Variants in KDM4B observed in about 807,000 individuals in gnomAD.
The protein encoded by KDM4B is lysine demethylase 4B, also known as lysine-specific demethylase 4B.
KDM4B carries 32 observed loss-of-function variants against 125.2 expected under a neutral mutation model. The ratio of observed to expected loss-of-function variants is 0.26; its 90% CI spans 0.19 to 0.34. KDM4B has a LOEUF of 0.34. Ranked by LOEUF, KDM4B falls within the 10% of genes least tolerant of loss-of-function variation. The pLI is 1.00. For missense variants in KDM4B, 1,190 were observed against 1,577.7 expected, an observed-to-expected ratio of 0.75 and a Z score of 4.16; for synonymous variants, 721 against 677.9, an observed-to-expected ratio of 1.06 and a Z score of -0.99.
At chr19:4,995,228 C>G (rs375569418) in intron 1 of KDM4B, among the ~76,000 whole-genome samples, 1 of 152,336 alleles carries the variant, frequency 6.6e-6, no homozygotes, top group Non-Finnish European at 1.5e-5. Flanking sequence ...CTTTTCATCT[C>G]CCTTGCACCA....
intron 5 of KDM4B, among the ~76,000 whole-genome samples, chr19:5,042,957 G>A (rs1031306991): frequency 3.4e-5 from 5 of 147,298 alleles, no homozygotes; most frequent in Non-Finnish European, 5.9e-5. Context: ...TGCACGAAGC[G>A]AAGTTTTGAC....
At chr19:5,105,027 C>T (rs946508896) in intron 9 of KDM4B, among the ~76,000 whole-genome samples, 7 of 152,214 alleles carry the variant, frequency 4.6e-5, no homozygotes, top group African/African-American at 7.2e-5. Flanking sequence ...GGGCTCCGTC[C>T]GGGCAGCAGG....
chr19:5,054,462 ATGTGTGTGTG>A (rs3070257), intron 6 of KDM4B, among the ~76,000 whole-genome samples: 4 of 150,592 alleles, frequency 2.7e-5, no homozygotes, highest in Middle Eastern at 3.4e-3. Flanking sequence ...GAGAGAGAGA[ATGTGTGTGTG>A]TGTGTGTGTG....
chr19:5,057,206 C>T (rs146605384), intron 6 of KDM4B, among the ~76,000 whole-genome samples: 2,134 of 152,280 alleles, frequency 0.014, 59 homozygotes, highest in South Asian at 0.067. Context: ...GCTCTGCTGG[C>T]GGCGCCCTTG....
Position 5,014,550 on chromosome 19 carries a change from C to T in KDM4B, c.-108-1707C>T, listed in dbSNP as rs186272297. Among the ~76,000 whole-genome samples, 223 of 152,204 alleles carry T rather than the reference C, an allele frequency of 1.5e-3. 2 individuals carry two copies. Among genetic ancestry groups the T allele is most frequent in the African/African-American group, 5.2e-3 (215 of 41,538 alleles). On this transcript the variant is annotated intron_variant, in intron 1 of 22. Coordinates refer to ENST00000159111, the MANE Select transcript of KDM4B (RefSeq NM_015015.3). ...TCGGCCTCCCAAAGTGCTGGGATTA[C>T]AGGCGTGAGCCACCGCGCCTGGCCT...
intron 1 of KDM4B, among the ~76,000 whole-genome samples, chr19:4,978,854 G>A (rs1271239309): frequency 6.6e-6 from 1 of 152,236 alleles, no homozygotes; most frequent in Non-Finnish European, 1.5e-5. Context: ...GTCCCTCTGA[G>A]TGGGTTTGCA....
intron 1 of KDM4B, among the ~76,000 whole-genome samples, chr19:4,990,670 C>G (rs1056811354): frequency 2.6e-5 from 4 of 152,198 alleles, no homozygotes; most frequent in African/African-American, 9.7e-5. Context: ...TGAACTAGTT[C>G]TGGTCGCCTC....
At position 5,091,084 on chromosome 19, in the gene KDM4B, G is replaced by A. The variant is rs181313185; in HGVS notation, c.918+8580G>A. On this transcript the variant is annotated intron_variant, in intron 9 of 22. Transcript: ENST00000159111. ...AAGGAAATAAAATGTGCACGCAGCC[G>A]CCTTTCTCACGCTGAACTCAAGTTA... is the stretch of plus-strand genomic sequence containing the variant. 2.5e-3 allele frequency among the ~76,000 whole-genome samples: 376 copies of A among 152,316 alleles called. 2 individuals are homozygous for A. The highest frequency in any genetic ancestry group is 2.9e-3 in the Non-Finnish European group (200 of 68,028).
chr19:5,119,770 G>A lies in KDM4B; in HGVS notation c.1233G>A (p.Glu411=). ...LEEAGGSVKE[E]AGPEVDPEEE... ...AGGCTGGGGGCAGCGTGAAGGAGGAGGCTGGGCCGGAGGTTGACCCCGAGG... is the reference window on the plus strand; with the variant it reads ...AGGCTGGGGGCAGCGTGAAGGAGGAAGCTGGGCCGGAGGTTGACCCCGAGG... Residue 411 remains glutamate (E), a synonymous_variant, in exon 11 of 23, where the codon GAG becomes GAA. Transcript: ENST00000159111. 1.9e-6 allele frequency: 3 copies of A among 1,546,738 alleles called. No individual in the cohort carries two copies. Among genetic ancestry groups the A allele is most frequent in the South Asian group, 1.2e-5 (1 of 83,542 alleles).
At chr19:5,106,531 G>A (rs987590073) in intron 9 of KDM4B, among the ~76,000 whole-genome samples, 6 of 152,184 alleles carry the variant, frequency 3.9e-5, no homozygotes, top group African/African-American at 1.4e-4. Context: ...CCTCCTCTGG[G>A]GGATTCCGCA....
intron 9 of KDM4B, among the ~76,000 whole-genome samples, chr19:5,091,678 GC>G (rs377109284): frequency 2.4e-4 from 36 of 151,712 alleles, no homozygotes; most frequent in African/African-American, 8.4e-4. Context: ...TGGTAATGAG[GC>G]TGCCTGCTCC....
At chr19:5,146,451 C>G (rs2039847341) in intron 21 of KDM4B, among the ~76,000 whole-genome samples, 1 of 152,258 alleles carries the variant, frequency 6.6e-6, no homozygotes, top group South Asian at 2.1e-4. Flanking sequence ...TCTCCAGACA[C>G]TGTCACTTCT....
chr19:4,983,353 G>T (rs1446401579), intron 1 of KDM4B, among the ~76,000 whole-genome samples: 3 of 152,104 alleles, frequency 2.0e-5, no homozygotes, highest in Non-Finnish European at 4.4e-5. Flanking sequence ...TCCCAGGCAG[G>T]ACTTATGGCT....
intron 9 of KDM4B, among the ~76,000 whole-genome samples, chr19:5,102,870 G>A (rs900364074): frequency 2.6e-5 from 4 of 152,178 alleles, no homozygotes; most frequent in African/African-American, 4.8e-5. Flanking sequence ...GTGCTGTGGC[G>A]ATACTAAGTA....
Position 5,152,351 on chromosome 19 carries a change from T to G in KDM4B, c.*840T>G, listed in dbSNP as rs1280077145. On this transcript the variant is annotated 3_prime_UTR_variant, in exon 23 of 23. Transcript: ENST00000159111. ...TTGCAGAATAAACTCTCTCCTGGGG[T>G]TTGTCTATCTTTGTTTCTCTCACCT... The G allele has an allele frequency of 6.6e-6, 1 of 152,114 alleles. No individual in the cohort carries two copies. Among genetic ancestry groups the G allele is most frequent in the African/African-American group, 2.4e-5 (1 of 41,402 alleles). 9.4% of individuals were successfully genotyped at this position (152,114 alleles called of 1,614,324 possible).
intron 11 of KDM4B, among the ~76,000 whole-genome samples, chr19:5,120,775 T>C (rs1053428526): frequency 1.1e-4 from 16 of 152,032 alleles, no homozygotes; most frequent in African/African-American, 3.9e-4. Flanking sequence ...CCCTTCCCTC[T>C]CCCACCCTTT....
Position 5,082,298 on chromosome 19 carries a change from G to T in KDM4B, c.781-69G>T. ...CAGGCTCCCTGGCACTTGCTGGGAA[G>T]TGCCCACGTCCCATCCCCTGGTGCG... is the stretch of plus-strand genomic sequence containing the variant. On this transcript the variant is annotated intron_variant, in intron 8 of 22. Transcript: ENST00000159111. The surrounding 1 kb of genome is among the most constrained non-coding windows in gnomAD (Gnocchi z 5.4). The T allele has an allele frequency of 6.3e-7, 1 of 1,592,230 alleles. No homozygotes were observed. The highest frequency in any genetic ancestry group is 8.6e-7 in the Non-Finnish European group (1 of 1,167,470).
chr19:5,055,538 T>C (rs1019950295), intron 6 of KDM4B, among the ~76,000 whole-genome samples: 3 of 152,198 alleles, frequency 2.0e-5, no homozygotes, highest in African/African-American at 7.2e-5. Context: ...GGCTTCTTGG[T>C]GAGCAGAGAT....
At chr19:5,091,083 C>T (rs1011681486) in intron 9 of KDM4B, among the ~76,000 whole-genome samples, 10 of 152,304 alleles carry the variant, frequency 6.6e-5, no homozygotes, top group South Asian at 4.1e-4. Flanking sequence ...TGCACGCAGC[C>T]GCCTTTCTCA....
Sources: gnomAD v4.1 joint callset for allele counts (sites outside exome capture counted in the v4.1 genomes callset) on GRCh38, gnomAD v4.1.1 for gene constraint, Gnocchi (gnomAD v3.1) non-coding constraint, MANE v1.5 for transcripts, NCBI Gene and HGNC (gene_info 2026-07-23, HGNC 2026-07-21) for gene names.